Variants in LMX1A observed in about 807,000 individuals in gnomAD.
The protein encoded by LMX1A is LIM homeobox transcription factor 1 alpha.
In LMX1A, 15 loss-of-function variants were observed where a neutral mutation model predicts 49.1. The observed-to-expected ratio is 0.31, with a 90% CI of 0.20 to 0.47. LMX1A has a LOEUF of 0.47. Ranked by LOEUF, LMX1A falls within the 20% of genes least tolerant of loss-of-function variation. LMX1A has a pLI of 1.00. For synonymous variants in LMX1A, 167 were observed against 185.7 expected, an observed-to-expected ratio of 0.90 and a Z score of 0.82; for missense variants, 372 against 475.8, an observed-to-expected ratio of 0.78 and a Z score of 2.03.
chr1:165,305,485 T>C (rs555403903), intron 3 of LMX1A, among the ~76,000 whole-genome samples: 4 of 152,064 alleles, frequency 2.6e-5, no homozygotes, highest in Non-Finnish European at 5.9e-5. Context: ...GTAGGCCAAA[T>C]ATCACATTTT....
intron 3 of LMX1A, among the ~76,000 whole-genome samples, chr1:165,345,565 C>T (rs950413951): frequency 1.3e-5 from 2 of 152,178 alleles, no homozygotes; most frequent in African/African-American, 4.8e-5. Context: ...CATAATCCAG[C>T]ATCTACTAAG....
chr1:165,322,998 A>C (rs532403351), intron 3 of LMX1A, among the ~76,000 whole-genome samples: 1 of 152,052 alleles, frequency 6.6e-6, no homozygotes, highest in Admixed American at 6.5e-5. Context: ...TCCAAACTCT[A>C]TTTCCTCAAA....
intron 4 of LMX1A, among the ~76,000 whole-genome samples, chr1:165,230,357 GTT>G (rs1313905640): frequency 6.6e-6 from 1 of 152,106 alleles, no homozygotes; most frequent in Non-Finnish European, 1.5e-5. Flanking sequence ...TATTATAGTG[GTT>G]TAACATGGAT....
At position 165,353,243 on chromosome 1, in the gene LMX1A, C is replaced by G; in HGVS notation, c.96G>C (p.Lys32Asn). The G allele has an allele frequency of 6.2e-7, 1 of 1,612,608 alleles. No homozygotes were observed. The highest frequency in any genetic ancestry group is 8.5e-7 in the Non-Finnish European group (1 of 1,179,968). ...CCCGCTGACAGCCCTCGCAGACAGA[C>G]TTGGGGCTCACCGCTCTGCCTGTAG... The part of the protein sequence containing the change: ...SSLLGRAVSP[K>N]SVCEGCQRVI... The change falls in exon 3 of 9, where the codon AAG becomes AAC. Residue 32 changes from lysine to asparagine, a missense_variant. Coordinates refer to ENST00000342310, the MANE Select transcript of LMX1A (RefSeq NM_177398.4).
At chr1:165,319,535 A>G (rs1655321313) in intron 3 of LMX1A, among the ~76,000 whole-genome samples, 1 of 152,164 alleles carries the variant, frequency 6.6e-6, no homozygotes, top group Non-Finnish European at 1.5e-5. Context: ...TATTATCAGG[A>G]AGGCCACCTA....
chr1:165,337,465 A>T (rs1298518228), intron 3 of LMX1A, among the ~76,000 whole-genome samples: 2 of 152,228 alleles, frequency 1.3e-5, no homozygotes, highest in Non-Finnish European at 2.9e-5. Context: ...GAGCTTTAAA[A>T]TTAGAAAGGA....
At chr1:165,313,012 G>GA (rs901380627) in intron 3 of LMX1A, among the ~76,000 whole-genome samples, 3 of 151,714 alleles carry the variant, frequency 2.0e-5, no homozygotes, top group Admixed American at 6.6e-5. Flanking sequence ...ATATCAGAGG[G>GA]AAAAAAAAGT....
chr1:165,281,752 G>A (rs539908617), intron 3 of LMX1A, among the ~76,000 whole-genome samples: 3,750 of 151,702 alleles, frequency 0.025, 65 homozygotes, highest in Non-Finnish European at 0.037. Flanking sequence ...GTGTATGTGT[G>A]TGTGTGTGTG....
chr1:165,260,470 G>A (rs982239373), intron 3 of LMX1A, among the ~76,000 whole-genome samples: 1 of 152,082 alleles, frequency 6.6e-6, no homozygotes, highest in African/African-American at 2.4e-5. Context: ...AATCCTGTTT[G>A]CTTTGGTCAA....
intron 4 of LMX1A, among the ~76,000 whole-genome samples, chr1:165,240,312 C>G (rs1450782957): frequency 1.3e-5 from 1 of 79,038 alleles, no homozygotes; most frequent in Non-Finnish European, 2.4e-5. Flanking sequence ...TAAATACCTA[C>G]TCAAGGTTTT....
At chr1:165,345,008 AT>A (rs1336179744) in intron 3 of LMX1A, among the ~76,000 whole-genome samples, 13 of 152,142 alleles carry the variant, frequency 8.5e-5, no homozygotes, top group Admixed American at 7.2e-4. Flanking sequence ...CAGGGGGCCT[AT>A]TTCTGGGCCC....
intron 6 of LMX1A, among the ~76,000 whole-genome samples, chr1:165,208,684 G>A (rs1392595936): frequency 2.6e-5 from 3 of 114,030 alleles, no homozygotes; most frequent in South Asian, 5.7e-4. Flanking sequence ...TGTCACCCAG[G>A]CTGGAGTGCT....
At chr1:165,257,827 A>G (rs1653302105) in intron 3 of LMX1A, among the ~76,000 whole-genome samples, 1 of 152,194 alleles carries the variant, frequency 6.6e-6, no homozygotes, top group Admixed American at 6.5e-5. Flanking sequence ...CCTCCACAAC[A>G]TAGACAAAAA....
At chr1:165,245,987 A>T (rs1269984338) in intron 4 of LMX1A, among the ~76,000 whole-genome samples, 1 of 151,726 alleles carries the variant, frequency 6.6e-6, no homozygotes, top group East Asian at 1.9e-4. Flanking sequence ...ATACTAGATC[A>T]GTCATTCACT....
intron 4 of LMX1A, among the ~76,000 whole-genome samples, chr1:165,229,185 A>G (rs1652154623): frequency 6.6e-6 from 1 of 152,140 alleles, no homozygotes; most frequent in Non-Finnish European, 1.5e-5. Flanking sequence ...ATCAACTGTG[A>G]ATCAGATCTC....
intron 4 of LMX1A, among the ~76,000 whole-genome samples, chr1:165,227,842 A>G (rs2102617828): frequency 6.6e-6 from 1 of 152,324 alleles, no homozygotes. Flanking sequence ...TTTTTTTAAA[A>G]CAAAAGGAAG....
intron 3 of LMX1A, among the ~76,000 whole-genome samples, chr1:165,298,692 C>G (rs189754738): frequency 6.6e-6 from 1 of 152,158 alleles, no homozygotes; most frequent in African/African-American, 2.4e-5. Flanking sequence ...GTAACTTCCC[C>G]ATAAAAGGAG....
intron 3 of LMX1A, among the ~76,000 whole-genome samples, chr1:165,350,590 C>A (rs1656396570): frequency 6.6e-6 from 1 of 151,960 alleles, no homozygotes; most frequent in South Asian, 2.1e-4. Flanking sequence ...TTTTCTCCTA[C>A]AGATACCAAC....
At chr1:165,212,325 G>C (rs1651438431) in intron 5 of LMX1A, among the ~76,000 whole-genome samples, 1 of 152,132 alleles carries the variant, frequency 6.6e-6, no homozygotes, top group Non-Finnish European at 1.5e-5. Flanking sequence ...TTCCCACTTT[G>C]ACTTGGCCTC....
Sources: gnomAD v4.1 joint callset for allele counts (sites outside exome capture counted in the v4.1 genomes callset) on GRCh38, gnomAD v4.1.1 for gene constraint, MANE v1.5 for transcripts, NCBI Gene and HGNC (gene_info 2026-07-23, HGNC 2026-07-21) for gene names.